Variants in MAML2 observed in about 807,000 individuals in gnomAD.
MAML2 encodes the protein mastermind-like protein 2.
MAML2 carries 22 observed loss-of-function variants against 96.1 expected under a neutral mutation model. The observed-to-expected ratio is 0.23, with a 90% CI of 0.16 to 0.33. MAML2 has a LOEUF of 0.33. MAML2 is among the 10% of genes least tolerant of loss of function. MAML2 has a pLI of 1.00. For missense variants in MAML2, 1,367 were observed against 1,392.4 expected (o/e 0.98, Z 0.29); for synonymous variants, 561 against 521.3 (o/e 1.08, Z -1.04).
intron 1 of MAML2, among the ~76,000 whole-genome samples, chr11:96,108,658 T>C (rs1860066515): frequency 6.6e-6 from 1 of 152,156 alleles, no homozygotes; most frequent in African/African-American, 2.4e-5. Context: ...TACCAGCTAT[T>C]ATTGCTATTA....
chr11:96,196,980 T>A (rs1347173111), intron 1 of MAML2, among the ~76,000 whole-genome samples: 3 of 151,700 alleles, frequency 2.0e-5, no homozygotes, highest in Non-Finnish European at 4.4e-5. Flanking sequence ...TCTATAAATG[T>A]GGAATGTTAA....
At chr11:96,223,459 T>C (rs1466373437) in intron 1 of MAML2, among the ~76,000 whole-genome samples, 1 of 152,228 alleles carries the variant, frequency 6.6e-6, no homozygotes, top group African/African-American at 2.4e-5. Context: ...TAATGTTTAA[T>C]ATTTAGACAC....
intron 2 of MAML2, among the ~76,000 whole-genome samples, chr11:96,080,898 C>G (rs1859519906): frequency 6.6e-6 from 1 of 152,206 alleles, no homozygotes; most frequent in Non-Finnish European, 1.5e-5. Flanking sequence ...GGTAGACACT[C>G]CTCAGGTCTA....
chr11:96,092,940 A>G lies in MAML2; in HGVS notation c.1091T>C (p.Ile364Thr). 1 of 1,611,580 alleles carries G rather than the reference A, an allele frequency of 6.2e-7. No homozygotes were observed. Among genetic ancestry groups the G allele is most frequent in the Non-Finnish European group, 8.5e-7 (1 of 1,178,632 alleles). Reference sequence around the variant, plus strand: ...CAAGCCCGGTGAGTATTCACTTTTGATCACTATTTTCTCCATGGGTAAGGA... The same window carrying G: ...CAAGCCCGGTGAGTATTCACTTTTGGTCACTATTTTCTCCATGGGTAAGGA... ...RPSLPMEKIV[I>T]KSEYSPGLTQ... The change falls in exon 2 of 5, where the codon ATC becomes ACC. Residue 364 changes from isoleucine to threonine, a missense_variant. Physicochemically the swap from Ile to Thr is moderately conservative, Grantham distance 89. Coordinates refer to ENST00000524717, the MANE Select transcript of MAML2 (RefSeq NM_032427.4). The surrounding 1 kb of genome is among the most constrained non-coding windows in gnomAD (Gnocchi z 4.1).
intron 2 of MAML2, among the ~76,000 whole-genome samples, chr11:96,036,176 C>T (rs12573882): frequency 0.22 from 33,365 of 152,062 alleles, 4,532 homozygotes; most frequent in Non-Finnish European, 0.31. Context: ...ACATGACACA[C>T]AGAAAATCTC....
At chr11:96,140,629 A>G (rs1860715282) in intron 1 of MAML2, among the ~76,000 whole-genome samples, 1 of 152,204 alleles carries the variant, frequency 6.6e-6, no homozygotes. Flanking sequence ...CAGTGCTGCC[A>G]GAGGTAGCAG....
In MAML2 at chr11:96,247,348, G is replaced by A. The variant is rs370052522; in HGVS notation, c.513+94035C>T. On this transcript the variant is annotated intron_variant, in intron 1 of 4. Transcript: ENST00000524717. ...ATTCTGAGATAGCAGTTCAGTGGAC[G>A]AAAAAATGTCACTATGCTTTCAAGT... 2.7e-4 allele frequency among the ~76,000 whole-genome samples: 41 copies of A among 152,124 alleles called. 2 individuals are homozygous for A. The highest frequency in any genetic ancestry group is 2.2e-3 in the Admixed American group (34 of 15,276).
chr11:96,042,410 T>C (rs1415789877), intron 2 of MAML2, among the ~76,000 whole-genome samples: 1 of 152,134 alleles, frequency 6.6e-6, no homozygotes, highest in Non-Finnish European at 1.5e-5. Flanking sequence ...CGTGAGCCAG[T>C]GTGCCCAGCT....
chr11:96,301,417 C>G (rs183741467), intron 1 of MAML2, among the ~76,000 whole-genome samples: 88 of 152,258 alleles, frequency 5.8e-4, no homozygotes, highest in African/African-American at 2.0e-3. Context: ...TCATCCTAGT[C>G]CCAGCCCACC....
chr11:96,026,865 C>T (rs1006176110), intron 2 of MAML2, among the ~76,000 whole-genome samples: 1 of 138,702 alleles, frequency 7.2e-6, no homozygotes, highest in Admixed American at 7.4e-5. Context: ...ATTTGTTTAG[C>T]ATCCTGGCAA....
At chr11:95,991,209 A>G (rs1001886934) in intron 3 of MAML2, among the ~76,000 whole-genome samples, 8 of 152,104 alleles carry the variant, frequency 5.3e-5, no homozygotes, top group African/African-American at 1.7e-4. Context: ...TCTGCCCCTT[A>G]AGCCTGGGGA....
rs185002555 is a variant in MAML2, at chr11:96,092,638, G to A, written c.1393C>T (p.Pro465Ser). Residue 465 changes from proline (P) to serine (S), a missense_variant, in exon 2 of 5, where the codon CCC (proline) becomes TCC (serine). Transcript: ENST00000524717. The surrounding 1 kb of genome is among the most constrained non-coding windows in gnomAD (Gnocchi z 4.1). ...QHQPTNWSAL[P>S]SSAGPSPGPF... Reference sequence around the variant, plus strand: ...CCTGGTGATGGTCCAGCAGAAGAGGGCAAGGCTGACCAGTTGGTAGGCTGG... The same window carrying A: ...CCTGGTGATGGTCCAGCAGAAGAGGACAAGGCTGACCAGTTGGTAGGCTGG... 29 of 1,613,866 alleles carry A rather than the reference G, an allele frequency of 1.8e-5. No individual in the cohort carries two copies. In the Admixed American group the frequency reaches 3.5e-4, roughly 19 times the overall value.
At chr11:96,236,806 T>C (rs9971467) in intron 1 of MAML2, among the ~76,000 whole-genome samples, 13,638 of 152,204 alleles carry the variant, frequency 0.09, 1,466 homozygotes, top group African/African-American at 0.25. Context: ...ACTGTCTTCT[T>C]AGTAAATATC....
intron 1 of MAML2, among the ~76,000 whole-genome samples, chr11:96,246,956 T>C (rs1270110573): frequency 6.6e-6 from 1 of 152,258 alleles, no homozygotes; most frequent in East Asian, 1.9e-4. Context: ...CCAGTTGCCT[T>C]TCTTTTCATG....
rs796198027 is a variant in MAML2, at chr11:96,166,183, A to T, written c.514-72666T>A. Among the ~76,000 whole-genome samples, 1,310 of 66,700 alleles carry T rather than the reference A, an allele frequency of 0.02. 68 individuals carry two copies. In the South Asian group the frequency reaches 0.2, roughly 10 times the overall value. The allele number at this position is 66,700 out of a possible 152,430, so 43.8% of individuals were successfully genotyped here. On this transcript the variant is annotated intron_variant, in intron 1 of 4. Coordinates refer to ENST00000524717, the MANE Select transcript of MAML2 (RefSeq NM_032427.4). ...CTCTCTCTCTCTCTCTCTCTCACAC[A>T]CACACACACACACACACACACACAC... is the stretch of plus-strand genomic sequence containing the variant.
chr11:96,283,609 A>G (rs1291488483), intron 1 of MAML2, among the ~76,000 whole-genome samples: 2 of 152,212 alleles, frequency 1.3e-5, no homozygotes, highest in African/African-American at 4.8e-5. Context: ...TCTGGGGCCT[A>G]CAATTTAAAG....
At chr11:96,195,326 C>T (rs1195209100) in intron 1 of MAML2, among the ~76,000 whole-genome samples, 4 of 152,200 alleles carry the variant, frequency 2.6e-5, no homozygotes, top group Non-Finnish European at 5.9e-5. Context: ...CTTGATAGTA[C>T]TGGGGAGCTT....
intron 2 of MAML2, among the ~76,000 whole-genome samples, chr11:96,022,492 C>G (rs1232747132): frequency 6.6e-6 from 1 of 152,156 alleles, no homozygotes; most frequent in Non-Finnish European, 1.5e-5. Flanking sequence ...TAGAGAAGGA[C>G]ACTGGGGAGC....
chr11:96,132,988 G>A (rs1020056073), intron 1 of MAML2, among the ~76,000 whole-genome samples: 1 of 152,158 alleles, frequency 6.6e-6, no homozygotes, highest in Non-Finnish European at 1.5e-5. Flanking sequence ...CAATATTAGA[G>A]TAAAAATTAA....
Sources: allele counts gnomAD v4.1 joint callset (sites outside exome capture counted in the v4.1 genomes callset), GRCh38; gene constraint gnomAD v4.1.1; non-coding constraint Gnocchi (gnomAD v3.1); transcripts MANE v1.5; gene names NCBI Gene and HGNC (gene_info 2026-07-23, HGNC 2026-07-21).